PRKAR1B: variants seen among roughly 807,000 people sequenced by gnomAD.
PRKAR1B encodes cAMP-dependent protein kinase type I-beta regulatory subunit.
Under a neutral mutation model 46.5 loss-of-function variants are expected in PRKAR1B, and 22 were observed. The ratio of observed to expected loss-of-function variants is 0.47; its 90% CI spans 0.34 to 0.68. PRKAR1B has a LOEUF of 0.68. Among genes scored for constraint, PRKAR1B ranks in the 30% least tolerant of loss-of-function variants. The pLI is 0.01. For missense variants in PRKAR1B, 445 were observed against 535.6 expected (o/e 0.83, Z 1.67); for synonymous variants, 259 against 217.7 (o/e 1.19, Z -1.67).
intron 2 of PRKAR1B, among the ~76,000 whole-genome samples, chr7:685,312 ATATACG>A (rs1562615718): frequency 9.2e-5 from 9 of 97,344 alleles, no homozygotes; most frequent in South Asian, 4.1e-4. Context: ...ATATACGTAT[ATATACG>A]TATATATACG....
intron 4 of PRKAR1B, among the ~76,000 whole-genome samples, chr7:617,468 C>G (rs1030177129): frequency 1.3e-4 from 20 of 152,176 alleles, no homozygotes; most frequent in Admixed American, 1.2e-3. Flanking sequence ...CCACCCCCAA[C>G]TAACGAAGTG....
intron 9 of PRKAR1B, among the ~76,000 whole-genome samples, chr7:554,233 C>T (rs892169208): frequency 6.6e-6 from 1 of 151,188 alleles, no homozygotes; most frequent in South Asian, 2.1e-4. Context: ...AAAGCTGTGG[C>T]CACTCTGAGA....
intron 7 of PRKAR1B, among the ~76,000 whole-genome samples, chr7:585,973 C>T (rs776021844): frequency 1.8e-4 from 27 of 152,178 alleles, no homozygotes; most frequent in Non-Finnish European, 3.1e-4. Context: ...GTGCAACTGA[C>T]CAAGTGCTGA....
chr7:576,941 G>T (rs559230254), intron 9 of PRKAR1B, among the ~76,000 whole-genome samples: 1 of 151,414 alleles, frequency 6.6e-6, no homozygotes, highest in Non-Finnish European at 1.5e-5. Flanking sequence ...GTGTTCCAGC[G>T]GTGGTGAGCA....
At chr7:702,879 T>C (rs1319203323) in intron 2 of PRKAR1B, among the ~76,000 whole-genome samples, 7 of 151,650 alleles carry the variant, frequency 4.6e-5, no homozygotes, top group African/African-American at 1.7e-4. Flanking sequence ...TGCATCATAA[T>C]ATATACTATA....
At chr7:626,144 C>T (rs908441343) in intron 4 of PRKAR1B, among the ~76,000 whole-genome samples, 1 of 152,134 alleles carries the variant, frequency 6.6e-6, no homozygotes, top group Non-Finnish European at 1.5e-5. Flanking sequence ...TCTGAACAAG[C>T]TTGTATCTAT....
At chr7:632,697 C>T (rs1037877019) in intron 4 of PRKAR1B, among the ~76,000 whole-genome samples, 19 of 152,216 alleles carry the variant, frequency 1.2e-4, no homozygotes, top group Non-Finnish European at 2.1e-4. Context: ...GGTTCATCCT[C>T]ACACAGAAAT....
intron 2 of PRKAR1B, among the ~76,000 whole-genome samples, chr7:707,385 T>G (rs962554999): frequency 8.5e-5 from 13 of 152,180 alleles, no homozygotes; most frequent in Non-Finnish European, 1.5e-5. Flanking sequence ...GGCAACCCTT[T>G]CGACAAAAAT....
intron 4 of PRKAR1B, among the ~76,000 whole-genome samples, chr7:656,181 G>C (rs1037425992): frequency 1.3e-5 from 2 of 152,102 alleles, no homozygotes; most frequent in African/African-American, 4.8e-5. Flanking sequence ...TGTGTGGAGG[G>C]GTGAATGAAT....
chr7:550,927 CCAGGCCTCCCT>C (rs1158144752), intron 10 of PRKAR1B, among the ~76,000 whole-genome samples: 2 of 151,110 alleles, frequency 1.3e-5, no homozygotes, highest in African/African-American at 4.9e-5. Context: ...CCAGGTGTGC[CCAGGCCTCCCT>C]CAGGACCCAG....
chr7:719,928 C>T (rs751024159), intron 1 of PRKAR1B, among the ~76,000 whole-genome samples: 8 of 152,072 alleles, frequency 5.3e-5, no homozygotes, highest in Non-Finnish European at 8.8e-5. Context: ...GTCCAAGTTG[C>T]GTGCAGCAAT....
chr7:608,251 G>C (rs902277178), intron 4 of PRKAR1B: 20 of 152,320 alleles, frequency 1.3e-4, no homozygotes, highest in African/African-American at 4.6e-4. Flanking sequence ...ATGTGACGCA[G>C]AGAAACCAGA....
intron 5 of PRKAR1B, among the ~76,000 whole-genome samples, chr7:606,795 T>TGC (rs34087093): frequency 1.3e-5 from 2 of 151,686 alleles, no homozygotes; most frequent in East Asian, 3.8e-4. Context: ...TGTGTGTGTG[T>TGC]ATAATTTTAT....
intron 4 of PRKAR1B, among the ~76,000 whole-genome samples, chr7:660,128 T>C (rs915802611): frequency 2.6e-5 from 4 of 151,818 alleles, no homozygotes; most frequent in East Asian, 3.9e-4. Flanking sequence ...CCCAGGACAG[T>C]TCCCTCCTGC....
intron 2 of PRKAR1B, among the ~76,000 whole-genome samples, chr7:708,542 G>A (rs1415478663): frequency 6.6e-6 from 1 of 152,168 alleles, no homozygotes; most frequent in Admixed American, 6.5e-5. Flanking sequence ...AGACTGGAGG[G>A]CAGTGTTGCA....
chr7:561,619 C>T (rs1035747088), intron 9 of PRKAR1B, among the ~76,000 whole-genome samples: 2 of 152,212 alleles, frequency 1.3e-5, no homozygotes, highest in Non-Finnish European at 2.9e-5. Context: ...CTCCTCAGGC[C>T]CGGCTGGCCG....
At position 727,272 on chromosome 7, in the gene PRKAR1B, C is replaced by T; in HGVS notation, c.-85G>A. The stretch of plus-strand genomic sequence containing the variant: ...TCGACCCCTTCGCCGCCGTGCGCCG[C>T]GAGAGCTGCAGCTGCGCCGCCGCCC... On this transcript the variant is annotated 5_prime_UTR_variant, in exon 1 of 11. Coordinates refer to ENST00000537384, the MANE Select transcript of PRKAR1B (RefSeq NM_001164760.2). The T allele has an allele frequency of 7.5e-7, 1 of 1,324,544 alleles. No individual in the cohort carries two copies. Among genetic ancestry groups the T allele is most frequent in the Non-Finnish European group, 9.6e-7 (1 of 1,041,462 alleles). The allele number at this position is 1,324,544 out of a possible 1,614,324, so 82.0% of individuals were successfully genotyped here.
At chr7:585,090 T>C (rs1019449759) in intron 7 of PRKAR1B, among the ~76,000 whole-genome samples, 5 of 152,218 alleles carry the variant, frequency 3.3e-5, no homozygotes, top group Non-Finnish European at 5.9e-5. Flanking sequence ...AAAAGCATGC[T>C]GAATCATACA....
In PRKAR1B at chr7:701,025, G is replaced by A. The variant is rs530951115; in HGVS notation, c.177+10304C>T. On this transcript the variant is annotated intron_variant, in intron 2 of 10. Coordinates refer to ENST00000537384, the MANE Select transcript of PRKAR1B (RefSeq NM_001164760.2). Reference sequence around the variant, plus strand: ...CAACATGGCTGAACCCCATCTCTAAGTAAAATACAAAAATTAGCTGGGCAT... The same window carrying A: ...CAACATGGCTGAACCCCATCTCTAAATAAAATACAAAAATTAGCTGGGCAT... Among the ~76,000 whole-genome samples the A allele has an allele frequency of 1.3e-4, 20 of 152,016 alleles. No homozygotes were observed. The South Asian group carries it at 4.2e-3, about 32-fold the overall frequency.
Sources: gnomAD v4.1 joint callset for allele counts (sites outside exome capture counted in the v4.1 genomes callset) on GRCh38, gnomAD v4.1.1 for gene constraint, MANE v1.5 for transcripts, NCBI Gene and HGNC (gene_info 2026-07-23, HGNC 2026-07-21) for gene names.